MEGF11: variants seen among roughly 807,000 people sequenced by gnomAD.
MEGF11 encodes the protein multiple EGF like domains 11.
A neutral mutation model predicts 146.6 loss-of-function variants in MEGF11; 126 were observed. The observed-to-expected ratio is 0.86, with a 90% CI of 0.74 to 1.00. The LOEUF (loss-of-function observed/expected upper bound fraction) is 1.00. MEGF11 is among the 50% of genes least tolerant of loss of function. MEGF11 has a pLI of 0.00. For synonymous variants in MEGF11, 532 were observed against 583.4 expected (o/e 0.91, Z 1.27); for missense variants, 1,509 against 1,521.2 (o/e 0.99, Z 0.13).
chr15:66,018,710 TGTGA>T (rs1467690514), intron 5 of MEGF11, among the ~76,000 whole-genome samples: 2 of 151,738 alleles, frequency 1.3e-5, no homozygotes, highest in African/African-American at 2.4e-5. Flanking sequence ...TGAGACTCTG[TGTGA>T]GTGTGTGTGG....
intron 14 of MEGF11, 65 bp downstream of exon 14, chr15:65,922,758 C>T: frequency 6.4e-7 from 1 of 1,563,658 alleles, no homozygotes; most frequent in Non-Finnish European, 8.7e-7. Flanking sequence ...ATGGCTAGTT[C>T]CAACTGGAGA....
chr15:66,014,466 T>C (rs1392589433), intron 5 of MEGF11, among the ~76,000 whole-genome samples: 1 of 152,222 alleles, frequency 6.6e-6, no homozygotes, highest in Non-Finnish European at 1.5e-5. Context: ...TGGCTTCCAT[T>C]GTTCCTCTTC....
chr15:66,098,490 A>T (rs1430438767), intron 4 of MEGF11, among the ~76,000 whole-genome samples: 2 of 152,232 alleles, frequency 1.3e-5, no homozygotes, highest in African/African-American at 4.8e-5. Flanking sequence ...GGGTCAGGAT[A>T]AATAAAGACA....
chr15:66,035,725 C>G (rs989732832), intron 5 of MEGF11, among the ~76,000 whole-genome samples: 1 of 152,218 alleles, frequency 6.6e-6, no homozygotes, highest in African/African-American at 2.4e-5. Context: ...TCAGTACAAC[C>G]GAAGTCTCCT....
intron 1 of MEGF11, among the ~76,000 whole-genome samples, chr15:66,198,525 G>A (rs1012861463): frequency 3.3e-5 from 5 of 152,046 alleles, no homozygotes; most frequent in Non-Finnish European, 5.9e-5. Context: ...TCACTCTGTC[G>A]CCCAGGCTGG....
intron 1 of MEGF11, among the ~76,000 whole-genome samples, chr15:66,249,483 C>G (rs182300599): frequency 8.5e-4 from 130 of 152,252 alleles, no homozygotes; most frequent in African/African-American, 2.9e-3. Flanking sequence ...ATACACGACA[C>G]CTATTTATTC....
At chr15:65,914,546 G>T (rs1323616748) in intron 19 of MEGF11, among the ~76,000 whole-genome samples, 1 of 152,130 alleles carries the variant, frequency 6.6e-6, no homozygotes, top group Non-Finnish European at 1.5e-5. Context: ...CAGGATGACT[G>T]CCCGCAGGAC....
In MEGF11 at chr15:65,898,917, C is replaced by G. The variant is rs116801647; in HGVS notation, c.3073G>C (p.Val1025Leu). The part of the protein sequence containing the change: ...KGFKDYMKES[V>L]CSSSTCSLNS... ...AAGGAACAAGTACTAGAACTGCACACGGATTCTTTCATGTAATCTGCAAGG... is the reference window on the plus strand; with the variant it reads ...AAGGAACAAGTACTAGAACTGCACAGGGATTCTTTCATGTAATCTGCAAGG... The change falls in exon 25 of 26, where the codon GTG becomes CTG. Residue 1025 changes from valine (V) to leucine (L), a missense_variant. Transcript: ENST00000395614. 3.7e-6 allele frequency: 6 copies of G among 1,613,832 alleles called. No homozygotes were observed. Among genetic ancestry groups the G allele is most frequent in the Non-Finnish European group, 5.1e-6 (6 of 1,179,806 alleles).
At chr15:66,012,948 C>A (rs1448784042) in intron 5 of MEGF11, among the ~76,000 whole-genome samples, 1 of 152,276 alleles carries the variant, frequency 6.6e-6, no homozygotes, top group African/African-American at 2.4e-5. Flanking sequence ...GTTTGGAACT[C>A]TGCTGCTGTA....
At chr15:65,936,942 A>G (rs2079809648) in intron 10 of MEGF11, among the ~76,000 whole-genome samples, 1 of 152,180 alleles carries the variant, frequency 6.6e-6, no homozygotes, top group Non-Finnish European at 1.5e-5. Flanking sequence ...ATCCTGGTCT[A>G]TGCTTCCATG....
chr15:65,930,029 C>G (rs188436280), intron 11 of MEGF11, 146 bp from the exon 12 acceptor site: 1 of 828,308 alleles, frequency 1.2e-6, no homozygotes, highest in Admixed American at 2.8e-5. Context: ...ACACAGAGTT[C>G]AGAAATACAA....
At chr15:65,935,219 C>G (rs1293131544) in intron 10 of MEGF11, among the ~76,000 whole-genome samples, 1 of 148,792 alleles carries the variant, frequency 6.7e-6, no homozygotes, top group Non-Finnish European at 1.5e-5. Flanking sequence ...ACTTGGGAGG[C>G]TGAGGCAGGG....
At chr15:66,161,237 T>C (rs537760585) in intron 1 of MEGF11, among the ~76,000 whole-genome samples, 9 of 152,192 alleles carry the variant, frequency 5.9e-5, no homozygotes, top group Admixed American at 3.3e-4. Flanking sequence ...TGAAACATAA[T>C]AGCGATGAAT....
rs533380417 is a variant in MEGF11 at position 66,106,222 on chromosome 15, G to A, written c.302-11728C>T. ...GAAGGTGACTCTCAGGAGAGTCTAG[G>A]GAGAAGTGAAGGCACAGCCTCTTCG... is the stretch of plus-strand genomic sequence containing the variant. On this transcript the variant is annotated intron_variant, in intron 4 of 25. Coordinates refer to ENST00000395614, the MANE Select transcript of MEGF11 (RefSeq NM_001385028.1). Among the ~76,000 whole-genome samples, 10 of 152,302 alleles carry A rather than the reference G, an allele frequency of 6.6e-5. No homozygotes were observed. In the East Asian group the frequency reaches 1.9e-3, roughly 29 times the overall value.
intron 1 of MEGF11, among the ~76,000 whole-genome samples, chr15:66,143,355 C>T (rs2089239691): frequency 6.6e-6 from 1 of 152,210 alleles, no homozygotes; most frequent in Non-Finnish European, 1.5e-5. Context: ...GCCGAGGCAG[C>T]CTGCGGACAG....
At chr15:66,080,386 C>T (rs1017707817) in intron 5 of MEGF11, among the ~76,000 whole-genome samples, 2 of 151,974 alleles carry the variant, frequency 1.3e-5, no homozygotes, top group Non-Finnish European at 2.9e-5. Context: ...ACACCTGGCT[C>T]CTGCCTTCCA....
chr15:66,224,649 A>G (rs1350759068), intron 1 of MEGF11, among the ~76,000 whole-genome samples: 2 of 144,834 alleles, frequency 1.4e-5, no homozygotes, highest in Non-Finnish European at 3.0e-5. Flanking sequence ...ATTATATTAT[A>G]TATTTATATA....
intron 10 of MEGF11, among the ~76,000 whole-genome samples, chr15:65,955,077 G>A (rs2080533705): frequency 6.6e-6 from 1 of 152,086 alleles, no homozygotes; most frequent in Non-Finnish European, 1.5e-5. Flanking sequence ...CTCTCTCCCT[G>A]TATACACCCC....
At chr15:66,198,782 C>T (rs530471954) in intron 1 of MEGF11, among the ~76,000 whole-genome samples, 2 of 152,264 alleles carry the variant, frequency 1.3e-5, no homozygotes, top group Admixed American at 6.5e-5. Context: ...CCGAGCCCAG[C>T]CTCCTTTTGT....
Sources: gnomAD v4.1 joint callset for allele counts (sites outside exome capture counted in the v4.1 genomes callset) on GRCh38, gnomAD v4.1.1 for gene constraint, MANE v1.5 for transcripts, NCBI Gene and HGNC (gene_info 2026-07-23, HGNC 2026-07-21) for gene names.